The following MTRF1 variants were observed in gnomAD, a reference collection of about 807,000 sequenced individuals.
MTRF1 encodes mitochondrial translation release factor 1, also known as peptide chain release factor 1, mitochondrial.
Under a neutral mutation model 62.9 loss-of-function variants are expected in MTRF1, and 51 were observed. That is an observed-to-expected ratio of 0.81 (90% CI 0.65 to 1.02). The LOEUF (loss-of-function observed/expected upper bound fraction) is 1.02, where lower values mean the gene tolerates loss of function less well. MTRF1 is among the 50% of genes least tolerant of loss of function. The pLI, the probability that MTRF1 is intolerant of heterozygous loss-of-function variation, is 0.00. For synonymous variants in MTRF1, 158 were observed against 181.9 expected (o/e 0.87, Z 1.06); for missense variants, 446 against 530.0 (o/e 0.84, Z 1.56).
At chr13:41,270,679 T>C in the MTRF1 span, among the ~76,000 whole-genome samples, 2 of 152,176 alleles carry the variant, frequency 1.3e-5, no homozygotes, top group Non-Finnish European at 2.9e-5. Context: ...AAAATGAATG[T>C]AATTGCTAAT....
intron 9 of MTRF1, among the ~76,000 whole-genome samples, chr13:41,219,188 G>T (rs1196311068): frequency 6.6e-6 from 1 of 151,978 alleles, no homozygotes; most frequent in Non-Finnish European, 1.5e-5. Flanking sequence ...CTACTCAGGA[G>T]GCTGAGGCTG....
chr13:41,301,147 T>C, the MTRF1 span, among the ~76,000 whole-genome samples: 1 of 152,170 alleles, frequency 6.6e-6, no homozygotes. Flanking sequence ...AAAGGAGAGA[T>C]AGGAGAGAGG....
chr13:41,250,488 T>A (rs1593948578), intron 5 of MTRF1, among the ~76,000 whole-genome samples: 1 of 152,158 alleles, frequency 6.6e-6, no homozygotes, highest in African/African-American at 2.4e-5. Flanking sequence ...ATTTCAATAT[T>A]TACTCCAAAT....
the MTRF1 span, among the ~76,000 whole-genome samples, chr13:41,274,687 TA>T: frequency 2.0e-5 from 3 of 150,368 alleles, no homozygotes; most frequent in Non-Finnish European, 3.0e-5. Flanking sequence ...ATAATAATAA[TA>T]ATAATATTAT....
Position 41,260,757 on chromosome 13 carries a change from G to T in MTRF1, c.151C>A (p.His51Asn). The change falls in exon 2 of 10, where the codon CAT (histidine) becomes AAT (asparagine). Residue 51 changes from histidine to asparagine, a missense_variant. Coordinates refer to ENST00000379480, the MANE Select transcript of MTRF1 (RefSeq NM_004294.4). ...VFRQNRNCIL[H>N]LLSKNWSRRY... ...CTGGACCAATTCTTACTTAACAGATGAAGAATGCAATTCCTGTTTTGTCTA... is the reference window on the plus strand; with the variant it reads ...CTGGACCAATTCTTACTTAACAGATTAAGAATGCAATTCCTGTTTTGTCTA... 6.2e-7 allele frequency: 1 copy of T among 1,614,146 alleles called. No homozygotes were observed. Among genetic ancestry groups the T allele is most frequent in the Non-Finnish European group, 8.5e-7 (1 of 1,180,020 alleles).
chr13:41,243,068 A>C (rs761275567), intron 5 of MTRF1, among the ~76,000 whole-genome samples: 3 of 151,922 alleles, frequency 2.0e-5, no homozygotes, highest in Non-Finnish European at 4.4e-5. Flanking sequence ...AAAATACAAT[A>C]ATTAGCTGGG....
At chr13:41,220,191 A>C (rs1038420222) in intron 9 of MTRF1, among the ~76,000 whole-genome samples, 2 of 151,112 alleles carry the variant, frequency 1.3e-5, no homozygotes, top group Non-Finnish European at 3.0e-5. Context: ...TTAGCCAGGC[A>C]TGGTGGTACA....
the MTRF1 span, among the ~76,000 whole-genome samples, chr13:41,305,912 C>G: frequency 7.2e-5 from 11 of 151,788 alleles, no homozygotes; most frequent in African/African-American, 1.7e-4. Context: ...TTTGGAATTA[C>G]CTTATCTATT....
At chr13:41,298,423 C>G in the MTRF1 span, among the ~76,000 whole-genome samples, 1 of 1,282 alleles carries the variant, frequency 7.8e-4, no homozygotes, top group Non-Finnish European at 2.1e-3. Context: ...ACATTACAGG[C>G]TTATCAAGAT....
chr13:41,292,451 G>T, the MTRF1 span, among the ~76,000 whole-genome samples: 1 of 151,680 alleles, frequency 6.6e-6, no homozygotes, highest in South Asian at 2.1e-4. Context: ...GGGCGTGGTG[G>T]GTGCCTGTAA....
At chr13:41,259,295 C>T (rs2040113092) in intron 2 of MTRF1, among the ~76,000 whole-genome samples, 1 of 152,204 alleles carries the variant, frequency 6.6e-6, no homozygotes, top group East Asian at 1.9e-4. Context: ...TTCACAGTAT[C>T]GTTATTTATA....
intron 5 of MTRF1, among the ~76,000 whole-genome samples, chr13:41,245,968 G>A (rs138749853): frequency 1.7e-4 from 26 of 152,218 alleles, no homozygotes; most frequent in Middle Eastern, 3.4e-3. Flanking sequence ...TTGGAAGGGC[G>A]CCCTAGTGGA....
intron 7 of MTRF1, among the ~76,000 whole-genome samples, chr13:41,232,609 T>C (rs1459972322): frequency 6.6e-6 from 1 of 152,232 alleles, no homozygotes; most frequent in Non-Finnish European, 1.5e-5. Context: ...AATATTTACA[T>C]GTCACAAATC....
chr13:41,259,051 A>T (rs1323760074), intron 2 of MTRF1, among the ~76,000 whole-genome samples: 1 of 152,242 alleles, frequency 6.6e-6, no homozygotes, highest in Non-Finnish European at 1.5e-5. Flanking sequence ...GAAAATGCAA[A>T]TCAAAACCAC....
chr13:41,266,176 C>T (rs2040835759), upstream of MTRF1, among the ~76,000 whole-genome samples: 1 of 151,448 alleles, frequency 6.6e-6, no homozygotes. Context: ...AGATGGGGGT[C>T]TCACTATGTT....
At chr13:41,223,614 T>C (rs2033838102) in intron 8 of MTRF1, among the ~76,000 whole-genome samples, 1 of 152,178 alleles carries the variant, frequency 6.6e-6, no homozygotes, top group African/African-American at 2.4e-5. Flanking sequence ...ATCTTTCCAC[T>C]CCAATCAGTT....
the MTRF1 span, among the ~76,000 whole-genome samples, chr13:41,284,392 A>G: frequency 6.6e-6 from 1 of 151,546 alleles, no homozygotes; most frequent in Non-Finnish European, 1.5e-5. Context: ...CTCAGGCAGG[A>G]GAATCACTTG....
chr13:41,269,016 CT>C, the MTRF1 span, among the ~76,000 whole-genome samples: 6,222 of 138,578 alleles, frequency 0.045, 170 homozygotes, highest in East Asian at 0.13. Flanking sequence ...GTGACCATCC[CT>C]TTTTTTTTTT....
upstream of MTRF1, among the ~76,000 whole-genome samples, chr13:41,265,750 C>T (rs543897435): frequency 1.3e-5 from 2 of 152,276 alleles, no homozygotes; most frequent in East Asian, 3.9e-4. Context: ...CAGACTGAAA[C>T]CTACATTGCT....
Sources: allele counts gnomAD v4.1 joint callset (sites outside exome capture counted in the v4.1 genomes callset), GRCh38; gene constraint gnomAD v4.1.1; transcripts MANE v1.5; gene names NCBI Gene and HGNC (gene_info 2026-07-23, HGNC 2026-07-21).